The following PEX5L variants were observed in gnomAD, a reference collection of about 807,000 sequenced individuals.
PEX5L encodes the protein PEX5-related protein.
PEX5L carries 30 observed loss-of-function variants against 84.0 expected under a neutral mutation model. The observed-to-expected ratio is 0.36, with a 90% confidence interval of 0.27 to 0.48. The LOEUF (loss-of-function observed/expected upper bound fraction) is 0.48, where lower values mean the gene tolerates loss of function less well. PEX5L is among the 20% of genes least tolerant of loss of function. The pLI, the probability that PEX5L is intolerant of heterozygous loss-of-function variation, is 0.99. For synonymous variants in PEX5L, 270 were observed against 283.1 expected, an observed-to-expected ratio of 0.95 and a Z score of 0.46; for missense variants, 533 against 754.6, an observed-to-expected ratio of 0.71 and a Z score of 3.44.
chr3:179,943,919 C>T (rs1036150606), intron 2 of PEX5L, among the ~76,000 whole-genome samples: 3 of 152,116 alleles, frequency 2.0e-5, no homozygotes, highest in Non-Finnish European at 4.4e-5. Context: ...CCTGGTAAAA[C>T]TGGGTAACTC....
In PEX5L at chr3:180,009,938, T is replaced by TTTTA. The variant is rs368519760; in HGVS notation, c.21+26637_21+26640dup. ...GAAACATTTGGTAGTGTGTAAAGAC[T>TTTTA]TTTATTTATTTATTTATTTATTTGA... On this transcript the variant is annotated intron_variant, in intron 1 of 14. Coordinates refer to ENST00000467460, the MANE Select transcript of PEX5L (RefSeq NM_016559.3). 1.4e-3 allele frequency among the ~76,000 whole-genome samples: 218 copies of TTTTA among 152,078 alleles called. 1 individual carries two copies. The highest frequency in any genetic ancestry group is 3.7e-3 in the African/African-American group (154 of 41,474).
At chr3:179,889,935 G>C (rs911538553) in intron 3 of PEX5L, among the ~76,000 whole-genome samples, 1 of 152,134 alleles carries the variant, frequency 6.6e-6, no homozygotes, top group Non-Finnish European at 1.5e-5. Flanking sequence ...CACTGGTATA[G>C]AATACAATAT....
chr3:179,947,978 T>C (rs1205545835), intron 2 of PEX5L, among the ~76,000 whole-genome samples: 1 of 152,110 alleles, frequency 6.6e-6, no homozygotes, highest in African/African-American at 2.4e-5. Flanking sequence ...AGTGCTGGGA[T>C]TACAGATGTG....
chr3:179,876,215 A>G lies in PEX5L; in HGVS notation c.506-738T>C, dbSNP rs139484338. 4.2e-3 allele frequency among the ~76,000 whole-genome samples: 639 copies of G among 152,244 alleles called. 7 individuals are homozygous for G. Among genetic ancestry groups the G allele is most frequent in the African/African-American group, 0.015 (611 of 41,556 alleles). ...TTTTAGTTTATAAAAAGATCGGGCC[A>G]GGTGGTGGTGGCTCACGCCTATAAT... On this transcript the variant is annotated intron_variant, in intron 5 of 14. Coordinates refer to ENST00000467460, the MANE Select transcript of PEX5L (RefSeq NM_016559.3).
At chr3:179,852,279 T>C (rs917386071) in intron 8 of PEX5L, among the ~76,000 whole-genome samples, 6 of 152,162 alleles carry the variant, frequency 3.9e-5, no homozygotes, top group African/African-American at 1.2e-4. Context: ...AGACCTCATA[T>C]GGGCTGCCAA....
chr3:180,016,472 C>T (rs895649716), intron 1 of PEX5L, among the ~76,000 whole-genome samples: 26 of 152,126 alleles, frequency 1.7e-4, no homozygotes, highest in African/African-American at 5.1e-4. Context: ...TGCAACTGAC[C>T]TTTAATTTGG....
chr3:179,844,593 C>T (rs573945714), intron 8 of PEX5L, among the ~76,000 whole-genome samples: 1 of 152,290 alleles, frequency 6.6e-6, no homozygotes, highest in Admixed American at 6.5e-5. Flanking sequence ...TTTTGGGAGG[C>T]CGAGGCGGGC....
chr3:180,032,126 T>C (rs1227592392), intron 1 of PEX5L, among the ~76,000 whole-genome samples: 9 of 152,328 alleles, frequency 5.9e-5, no homozygotes, highest in African/African-American at 2.2e-4. Context: ...ACTACATCCA[T>C]ACCAAACATG....
At position 179,807,882 on chromosome 3, in the gene PEX5L, A is replaced by G. The variant is rs770193784; in HGVS notation, c.1519-51T>C. ...ACAACCCAGTACAAGGCACAATGAC[A>G]GAGCATTCCTGTATTTCTCTGCAGA... On this transcript the variant is annotated intron_variant, in intron 13 of 14. Coordinates refer to ENST00000467460, the MANE Select transcript of PEX5L (RefSeq NM_016559.3). The G allele has an allele frequency of 3.2e-5, 48 of 1,513,138 alleles. No homozygotes were observed. In the East Asian group the frequency reaches 1.1e-3, roughly 34 times the overall value. The allele number at this position is 1,513,138 out of a possible 1,614,324, so 93.7% of individuals were successfully genotyped here.
intron 14 of PEX5L, among the ~76,000 whole-genome samples, chr3:179,803,123 A>G (rs1326391020): frequency 1.3e-5 from 2 of 152,208 alleles, no homozygotes; most frequent in African/African-American, 4.8e-5. Flanking sequence ...TCCAGAGACT[A>G]CATGGTGCAT....
intron 2 of PEX5L, among the ~76,000 whole-genome samples, chr3:179,920,245 C>T (rs564807204): frequency 7.6e-4 from 116 of 152,306 alleles, no homozygotes; most frequent in African/African-American, 2.6e-3. Context: ...TCAGAACCAG[C>T]GTGCTCCCTT....
chr3:179,894,042 G>T (rs1758425378), intron 3 of PEX5L, among the ~76,000 whole-genome samples: 1 of 151,960 alleles, frequency 6.6e-6, no homozygotes, highest in African/African-American at 2.4e-5. Context: ...GGGACTACAG[G>T]TGCCAACCAC....
intron 4 of PEX5L, among the ~76,000 whole-genome samples, chr3:179,882,577 G>T (rs2108798446): frequency 6.6e-6 from 1 of 152,272 alleles, no homozygotes; most frequent in East Asian, 1.9e-4. Context: ...AGGAGAGAAG[G>T]GTGGGTGTAG....
At chr3:180,025,294 T>C (rs553012245) in intron 1 of PEX5L, among the ~76,000 whole-genome samples, 1 of 152,252 alleles carries the variant, frequency 6.6e-6, no homozygotes, top group South Asian at 2.1e-4. Context: ...TAAGGACTCT[T>C]CTGAGTATTT....
Position 180,036,528 on chromosome 3 carries a change from C to A in PEX5L, c.21+51G>T, listed in dbSNP as rs1561097217. 8 of 1,572,604 alleles carry A rather than the reference C, an allele frequency of 5.1e-6. No homozygotes were observed. The East Asian group carries it at 1.8e-4, about 35-fold the overall frequency. On this transcript the variant is annotated intron_variant, in intron 1 of 14. Coordinates refer to ENST00000467460, the MANE Select transcript of PEX5L (RefSeq NM_016559.3). Reference sequence around the variant, plus strand: ...CACAGAAACTTGGTGAACCGCCTTGCTCTTAAATTAGCCCCCAAGAATTCT... The same window carrying A: ...CACAGAAACTTGGTGAACCGCCTTGATCTTAAATTAGCCCCCAAGAATTCT...
intron 2 of PEX5L, among the ~76,000 whole-genome samples, chr3:179,966,279 T>C (rs1783315354): frequency 1.3e-5 from 2 of 152,178 alleles, no homozygotes; most frequent in African/African-American, 4.8e-5. Context: ...AGAGGAGGTT[T>C]CTGTTCTTCT....
intron 8 of PEX5L, among the ~76,000 whole-genome samples, chr3:179,838,740 G>A (rs1032994320): frequency 6.6e-6 from 1 of 152,116 alleles, no homozygotes; most frequent in Admixed American, 6.5e-5. Flanking sequence ...TACTTGTAGA[G>A]GATGGTAGGA....
chr3:179,936,218 T>C (rs1201226488), intron 2 of PEX5L, among the ~76,000 whole-genome samples: 1 of 152,110 alleles, frequency 6.6e-6, no homozygotes, highest in African/African-American at 2.4e-5. Context: ...TCCTTACTGA[T>C]TATATTTTTC....
At chr3:179,891,756 T>C (rs994907395) in intron 3 of PEX5L, among the ~76,000 whole-genome samples, 9 of 152,172 alleles carry the variant, frequency 5.9e-5, no homozygotes, top group African/African-American at 1.4e-4. Context: ...ATTTTATTTA[T>C]ATTTGCATAG....
Sources: gnomAD v4.1 joint callset for allele counts (sites outside exome capture counted in the v4.1 genomes callset) on GRCh38, gnomAD v4.1.1 for gene constraint, MANE v1.5 for transcripts, NCBI Gene and HGNC (gene_info 2026-07-23, HGNC 2026-07-21) for gene names.